The following VIPR2 variants were observed in gnomAD, a reference collection of about 807,000 sequenced individuals.
VIPR2 encodes the protein vasoactive intestinal polypeptide receptor 2.
A neutral mutation model predicts 58.0 loss-of-function variants in VIPR2; 48 were observed. That is an observed-to-expected ratio of 0.83 (90% CI 0.66 to 1.05). The LOEUF is 1.05. Among genes scored for constraint, VIPR2 ranks in the 50% least tolerant of loss-of-function variants. VIPR2 has a pLI of 0.00. For synonymous variants in VIPR2, 243 were observed against 235.2 expected (o/e 1.03, Z -0.30); for missense variants, 534 against 558.0 (o/e 0.96, Z 0.43).
chr7:159,031,709 G>T lies in VIPR2; in HGVS notation c.1143+119C>A, dbSNP rs1853596467. 4 of 1,570,600 alleles carry T rather than the reference G, an allele frequency of 2.5e-6. No individual in the cohort carries two copies. In the South Asian group the frequency reaches 4.7e-5, roughly 18 times the overall value. On this transcript the variant is annotated intron_variant, in intron 12 of 12. Transcript: ENST00000262178. This position sits in a 1 kb window ranked among gnomAD's most constrained non-coding sequence, Gnocchi z 4.0. ...TGGGGACACAGAACTGTGGGGTCCC[G>T]GGCAGTAACTCGAGCCCGCGGAAGA...
intron 4 of VIPR2, among the ~76,000 whole-genome samples, chr7:159,073,858 A>G (rs144940572): frequency 1.3e-5 from 2 of 152,278 alleles, no homozygotes; most frequent in East Asian, 3.9e-4. Context: ...CTGTCCATCT[A>G]AGGGAGACGT....
In VIPR2 at chr7:159,144,266, C is replaced by T. The variant is rs112502890; in HGVS notation, c.51+455G>A. On this transcript the variant is annotated intron_variant, in intron 1 of 12. Coordinates refer to ENST00000262178, the MANE Select transcript of VIPR2 (RefSeq NM_003382.5). ...TTTCCAAAAGGAAACTTTATTTAAC[C>T]GACGCCACGTCCCCCCGACACTAAA... is the stretch of plus-strand genomic sequence containing the variant. 315 of 1,338,608 alleles carry T rather than the reference C, an allele frequency of 2.4e-4. 2 individuals carry two copies. The African/African-American group carries it at 4.4e-3, about 19-fold the overall frequency. 82.9% of individuals were successfully genotyped at this position (1,338,608 alleles called of 1,614,324 possible). A position where few individuals can be genotyped will look rare whatever the true frequency, so the allele number is the denominator to read the frequency against.
intron 4 of VIPR2, among the ~76,000 whole-genome samples, chr7:159,080,703 T>C (rs1217686333): frequency 1.3e-5 from 2 of 152,196 alleles, no homozygotes; most frequent in Non-Finnish European, 2.9e-5. Context: ...GACATGATTG[T>C]ATATCTAGAA....
At position 159,122,680 on chromosome 7, in the gene VIPR2, A is replaced by G. The variant is rs570584637; in HGVS notation, c.152-12761T>C. On this transcript the variant is annotated intron_variant, in intron 2 of 12. Transcript: ENST00000262178. Reference sequence around the variant, plus strand: ...CTGGAAAGACAGCTGCTGAGCAAGGAGGTTTCCATCTGAGCTCTAAAATGC... The same window carrying G: ...CTGGAAAGACAGCTGCTGAGCAAGGGGGTTTCCATCTGAGCTCTAAAATGC... Among the ~76,000 whole-genome samples, 367 of 152,140 alleles carry G rather than the reference A, an allele frequency of 2.4e-3. 2 individuals carry two copies. The highest frequency in any genetic ancestry group is 8.5e-3 in the African/African-American group (351 of 41,516).
intron 4 of VIPR2, among the ~76,000 whole-genome samples, chr7:159,077,839 T>C (rs1204109058): frequency 6.6e-6 from 1 of 152,262 alleles, no homozygotes; most frequent in Non-Finnish European, 1.5e-5. Context: ...TCAATGTCTT[T>C]GAGGTTTGCT....
At chr7:159,083,547 A>C (rs1857019706) in intron 4 of VIPR2, among the ~76,000 whole-genome samples, 1 of 152,134 alleles carries the variant, frequency 6.6e-6, no homozygotes, top group Non-Finnish European at 1.5e-5. Context: ...CGCGGGTTCA[A>C]CAGCTTTCCA....
chr7:159,076,614 T>A (rs548850423), intron 4 of VIPR2, among the ~76,000 whole-genome samples: 3 of 152,316 alleles, frequency 2.0e-5, no homozygotes, highest in South Asian at 2.1e-4. Context: ...CTTTATGACA[T>A]GTGTATTTTT....
At position 159,097,750 on chromosome 7, in the gene VIPR2, G is replaced by C. The variant is rs547032113; in HGVS notation, c.357+6007C>G. ...AGAAGCTGAGCAGCAATTGTAGCCA[G>C]TTGGGACACACAGACCAAGATTTCT... is the stretch of plus-strand genomic sequence containing the variant. On this transcript the variant is annotated intron_variant, in intron 4 of 12. Transcript: ENST00000262178. This position sits in a 1 kb window ranked among gnomAD's most constrained non-coding sequence, Gnocchi z 5.3. Among the ~76,000 whole-genome samples the C allele has an allele frequency of 6.6e-6, 1 of 152,242 alleles. No individual in the cohort carries two copies. Among genetic ancestry groups the C allele is most frequent in the Non-Finnish European group, 1.5e-5 (1 of 68,040 alleles).
chr7:159,100,286 A>T (rs1242173584), intron 4 of VIPR2, among the ~76,000 whole-genome samples: 3 of 152,230 alleles, frequency 2.0e-5, no homozygotes, highest in Non-Finnish European at 4.4e-5. Flanking sequence ...CCATCCATGC[A>T]GTGAGTTGTT....
intron 3 of VIPR2, among the ~76,000 whole-genome samples, chr7:159,104,636 C>T (rs111757805): frequency 1.1e-4 from 16 of 140,258 alleles, no homozygotes; most frequent in African/African-American, 3.6e-4. Flanking sequence ...TCCCTCCTCC[C>T]GACAGCACCC....
At chr7:159,067,124 G>A (rs1301879494) in intron 4 of VIPR2, among the ~76,000 whole-genome samples, 23 of 152,202 alleles carry the variant, frequency 1.5e-4, no homozygotes, top group East Asian at 1.9e-4. Flanking sequence ...TGCCACACTC[G>A]ACAAAGCTCA....
At chr7:159,032,864 C>A (rs1853678523) in intron 10 of VIPR2, among the ~76,000 whole-genome samples, 1 of 152,066 alleles carries the variant, frequency 6.6e-6, no homozygotes, top group Non-Finnish European at 1.5e-5. Context: ...CAAGTTCAAC[C>A]TGAAAGGCAA....
Position 159,103,860 on chromosome 7 carries a change from A to G in VIPR2, c.260-6T>C. On this transcript the variant is annotated splice_region_variant and splice_polypyrimidine_tract_variant and intron_variant, in intron 3 of 12. Transcript: ENST00000262178. ...ACAGTTTTTGCTTATGTTTCCTGGA[A>G]AGTGAAGTTCAGATATTTTATCTGC... The G allele has an allele frequency of 1.9e-6, 3 of 1,612,636 alleles. No individual in the cohort carries two copies. The East Asian group carries it at 6.7e-5, about 36-fold the overall frequency.
intron 2 of VIPR2, among the ~76,000 whole-genome samples, chr7:159,118,098 C>T (rs1030792278): frequency 1.3e-5 from 2 of 152,220 alleles, no homozygotes; most frequent in Non-Finnish European, 2.9e-5. Context: ...CGAATACTCC[C>T]CTTGCACAGC....
At chr7:159,042,930 C>G in intron 6 of VIPR2, 105 bp downstream of exon 6, 1 of 1,422,338 alleles carries the variant, frequency 7.0e-7, no homozygotes, top group Non-Finnish European at 9.4e-7. Context: ...TGACCCTGTG[C>G]CCTGACAGGA....
At chr7:159,133,026 T>TGATTGGCATACA (rs1554520293) in intron 2 of VIPR2, among the ~76,000 whole-genome samples, 6 of 88,660 alleles carry the variant, frequency 6.8e-5, no homozygotes, top group African/African-American at 9.7e-5. Flanking sequence ...TCAGACAGAA[T>TGATTGGCATACA]GATTCCAAAA....
intron 4 of VIPR2, among the ~76,000 whole-genome samples, chr7:159,086,857 G>A (rs1267872709): frequency 6.6e-6 from 1 of 152,246 alleles, no homozygotes; most frequent in Admixed American, 6.5e-5. Context: ...CTCTGAAGCA[G>A]CAAAAGTGCA....
At position 159,117,210 on chromosome 7, in the gene VIPR2, A is replaced by G. The variant is rs1288919883; in HGVS notation, c.152-7291T>C. The G allele has an allele frequency of 6.0e-6, 4 of 662,474 alleles. No homozygotes were observed. The South Asian group carries it at 6.9e-5, about 11-fold the overall frequency. The allele number at this position is 662,474 out of a possible 1,614,324, so 41.0% of individuals were successfully genotyped here. On this transcript the variant is annotated intron_variant, in intron 2 of 12. Transcript: ENST00000262178. ...TTCTGGGTCACTGCCCTTTCCCTAGAAGGTCCCTTGCCATCTCAGACTGCA... is the reference window on the plus strand; with the variant it reads ...TTCTGGGTCACTGCCCTTTCCCTAGGAGGTCCCTTGCCATCTCAGACTGCA...
intron 4 of VIPR2, among the ~76,000 whole-genome samples, chr7:159,082,866 C>G (rs1856982789): frequency 6.6e-6 from 1 of 152,202 alleles, no homozygotes; most frequent in African/African-American, 2.4e-5. Flanking sequence ...TGAAGGGTGG[C>G]TCAAGACCAT....
Sources: allele counts gnomAD v4.1 joint callset (sites outside exome capture counted in the v4.1 genomes callset), GRCh38; gene constraint gnomAD v4.1.1; non-coding constraint Gnocchi (gnomAD v3.1); transcripts MANE v1.5; gene names NCBI Gene and HGNC (gene_info 2026-07-23, HGNC 2026-07-21).